Variants in LRRC49 observed in about 807,000 individuals in gnomAD.
LRRC49 encodes the protein leucine rich repeat containing 49, also known as leucine-rich repeat-containing protein 49.
A neutral mutation model predicts 83.3 loss-of-function variants in LRRC49; 50 were observed. The observed-to-expected ratio is 0.60, with a 90% CI of 0.48 to 0.76. The LOEUF is 0.76. Ranked by LOEUF, LRRC49 falls within the 30% of genes least tolerant of loss-of-function variation. The pLI is 0.00. For missense variants in LRRC49, 704 were observed against 809.1 expected (o/e 0.87, Z 1.58); for synonymous variants, 286 against 283.3 (o/e 1.01, Z -0.10).
At chr15:70,890,272 GTA>G (rs1176477482), upstream of LRRC49, among the ~76,000 whole-genome samples, 1 of 152,132 alleles carries the variant, frequency 6.6e-6, no homozygotes, top group Non-Finnish European at 1.5e-5. Context: ...GTATGTGGAT[GTA>G]TATGTTTGGG....
intron 4 of LRRC49, among the ~76,000 whole-genome samples, chr15:70,903,078 G>A (rs570146413): frequency 6.6e-6 from 1 of 152,186 alleles, no homozygotes; most frequent in Non-Finnish European, 1.5e-5. Flanking sequence ...AGTGATGACC[G>A]ATTCAAGAAT....
chr15:70,957,308 A>T (rs1214148804), intron 8 of LRRC49, among the ~76,000 whole-genome samples: 2 of 152,192 alleles, frequency 1.3e-5, no homozygotes, highest in Non-Finnish European at 2.9e-5. Context: ...ATAAAATTAG[A>T]ATCTATCTAT....
At chr15:71,040,314 C>A (rs187819619) in intron 15 of LRRC49, among the ~76,000 whole-genome samples, 11 of 152,242 alleles carry the variant, frequency 7.2e-5, no homozygotes, top group African/African-American at 2.2e-4. Flanking sequence ...CTAAGGTGGC[C>A]TCTGTGATCC....
At chr15:70,962,563 A>G (rs1269248926) in intron 8 of LRRC49, among the ~76,000 whole-genome samples, 1 of 152,134 alleles carries the variant, frequency 6.6e-6, no homozygotes, top group Non-Finnish European at 1.5e-5. Context: ...TCTAGAAAAT[A>G]CATGAGTATA....
rs557673999 is a variant in LRRC49, at chr15:70,876,219, C to A, written c.18+2996C>A. ...TCTCTACACCTCACTACTCGAATTG[C>A]CTGAGAAACACATCTGCTTTCCTGT... On this transcript the variant is annotated intron_variant, in intron 2 of 16. Coordinates refer to the LRRC49 transcript ENST00000544974. 2.4e-3 allele frequency among the ~76,000 whole-genome samples: 362 copies of A among 152,304 alleles called. 1 individual carries two copies. Among genetic ancestry groups the A allele is most frequent in the Non-Finnish European group, 4.1e-3 (281 of 68,030 alleles).
At chr15:70,881,571 C>T (rs1211651994) in intron 2 of LRRC49, 1 of 152,174 alleles carries the variant, frequency 6.6e-6, no homozygotes, top group Non-Finnish European at 1.5e-5. Flanking sequence ...TAACAGTTTA[C>T]TTCATGGTAC....
chr15:70,909,878 A>ACAC (rs56281773), intron 5 of LRRC49, among the ~76,000 whole-genome samples: 3 of 150,364 alleles, frequency 2.0e-5, no homozygotes, highest in African/African-American at 2.4e-5. Flanking sequence ...ACACACACAC[A>ACAC]AAACAAACAA....
intron 8 of LRRC49, among the ~76,000 whole-genome samples, chr15:70,947,868 A>G (rs532897978): frequency 1.3e-5 from 2 of 152,292 alleles, no homozygotes; most frequent in South Asian, 4.1e-4. Context: ...CTGAATGCTC[A>G]ATCCTGGGAC....
chr15:70,963,653 T>G, intron 8 of LRRC49, 132 bp from the exon 9 acceptor site: 1 of 891,592 alleles, frequency 1.1e-6, no homozygotes. Context: ...GGGTATGGGG[T>G]ATAGGGGAAC....
At position 71,012,296 on chromosome 15, in the gene LRRC49, G is replaced by C. The variant is rs369054969; in HGVS notation, c.1594-508G>C. 3.0e-4 allele frequency among the ~76,000 whole-genome samples: 46 copies of C among 152,222 alleles called. 1 individual carries two copies. Among genetic ancestry groups the C allele is most frequent in the African/African-American group, 1.1e-3 (44 of 41,542 alleles). ...ACAAGTTATTCTTTTTGGGGAGAAA[G>C]ACTGATAGAATGAACAGGAGCATCC... On this transcript the variant is annotated intron_variant, in intron 13 of 15. Coordinates refer to ENST00000260382, the MANE Select transcript of LRRC49 (RefSeq NM_017691.5).
intron 7 of LRRC49, among the ~76,000 whole-genome samples, chr15:70,932,457 A>G (rs1046905596): frequency 6.6e-6 from 1 of 152,180 alleles, no homozygotes; most frequent in Non-Finnish European, 1.5e-5. Context: ...TCAAAGTTAG[A>G]ATAATTACCC....
chr15:70,919,428 C>G (rs1315258892), intron 7 of LRRC49, among the ~76,000 whole-genome samples: 1 of 152,160 alleles, frequency 6.6e-6, no homozygotes, highest in African/African-American at 2.4e-5. Flanking sequence ...AGTGTTATCA[C>G]TAAATGAATC....
intron 10 of LRRC49, among the ~76,000 whole-genome samples, chr15:70,982,273 G>A (rs978054161): frequency 6.6e-6 from 1 of 152,066 alleles, no homozygotes; most frequent in Non-Finnish European, 1.5e-5. Context: ...AAAGCATGAA[G>A]CCAACTGAGA....
chr15:70,966,886 A>G (rs947580237), intron 9 of LRRC49, among the ~76,000 whole-genome samples: 2 of 152,184 alleles, frequency 1.3e-5, no homozygotes, highest in Non-Finnish European at 2.9e-5. Flanking sequence ...GCAACCATGC[A>G]GCTGGATTAC....
At chr15:71,000,223 G>T (rs959622151) in intron 11 of LRRC49, among the ~76,000 whole-genome samples, 3 of 152,148 alleles carry the variant, frequency 2.0e-5, no homozygotes, top group African/African-American at 4.8e-5. Context: ...TGTTTTTGGG[G>T]TTTTTTTGTT....
chr15:70,956,446 T>C (rs1345540604), intron 8 of LRRC49, among the ~76,000 whole-genome samples: 1 of 151,592 alleles, frequency 6.6e-6, no homozygotes, highest in Non-Finnish European at 1.5e-5. Flanking sequence ...CAAAGCTTTT[T>C]CATTCTTGGT....
At chr15:71,031,454 C>T (rs960410390) in intron 14 of LRRC49, among the ~76,000 whole-genome samples, 7 of 152,222 alleles carry the variant, frequency 4.6e-5, no homozygotes, top group Non-Finnish European at 1.0e-4. Flanking sequence ...AGGTTTCTCC[C>T]ATTCAGGAGG....
At chr15:71,013,841 C>T (rs528577026) in intron 14 of LRRC49, among the ~76,000 whole-genome samples, 130 of 152,288 alleles carry the variant, frequency 8.5e-4, no homozygotes, top group African/African-American at 3.0e-3. Flanking sequence ...TGCCTCCTTG[C>T]TATGGTCATG....
In LRRC49 at chr15:71,008,613, T is replaced by G; in HGVS notation, c.1404T>G (p.Ser468=). Residue 468 remains serine, a synonymous_variant, in exon 12 of 16, where the codon TCT becomes TCG. Coordinates refer to ENST00000260382, the MANE Select transcript of LRRC49 (RefSeq NM_017691.5). ...AACTGAAGATTAAGTTTCCTAATTC[T>G]CTGGTAAATATTTCCTTTTAGTAGT... ...LPKLKIKFPN[S]LHLKFKETNL... The G allele has an allele frequency of 6.2e-7, 1 of 1,603,538 alleles. No individual in the cohort carries two copies. The highest frequency in any genetic ancestry group is 1.1e-5 in the South Asian group (1 of 90,680).
Sources: gnomAD v4.1 joint callset for allele counts (sites outside exome capture counted in the v4.1 genomes callset) on GRCh38, gnomAD v4.1.1 for gene constraint, MANE v1.5 for transcripts, NCBI Gene and HGNC (gene_info 2026-07-23, HGNC 2026-07-21) for gene names.